RALGPS2: variants seen among roughly 807,000 people sequenced by gnomAD.
The protein encoded by RALGPS2 is ras-specific guanine nucleotide-releasing factor RalGPS2.
RALGPS2 carries 43 observed loss-of-function variants against 86.8 expected under a neutral mutation model. The ratio of observed to expected loss-of-function variants is 0.50; its 90% CI spans 0.39 to 0.64. The LOEUF (loss-of-function observed/expected upper bound fraction) is 0.64. RALGPS2 is among the 30% of genes least tolerant of loss of function. The pLI is 0.00. For synonymous variants in RALGPS2, 243 were observed against 231.3 expected, an observed-to-expected ratio of 1.05 and a Z score of -0.46; for missense variants, 536 against 694.6, an observed-to-expected ratio of 0.77 and a Z score of 2.57.
chr1:178,855,679 A>G (rs567916764), intron 8 of RALGPS2, among the ~76,000 whole-genome samples: 3 of 151,878 alleles, frequency 2.0e-5, no homozygotes, highest in African/African-American at 7.2e-5. Context: ...ATTCGTTATA[A>G]ACATATTTTC....
chr1:178,851,751 C>A (rs1657188904), intron 8 of RALGPS2, among the ~76,000 whole-genome samples: 1 of 152,048 alleles, frequency 6.6e-6, no homozygotes, highest in Non-Finnish European at 1.5e-5. Flanking sequence ...GTAAATAAGA[C>A]ATATGTTATG....
chr1:178,733,074 A>G (rs1261199602), intron 1 of RALGPS2, among the ~76,000 whole-genome samples: 1 of 152,226 alleles, frequency 6.6e-6, no homozygotes, highest in African/African-American at 2.4e-5. Flanking sequence ...TAATTCTGTA[A>G]CGTAGGGATT....
chr1:178,812,078 A>G (rs868677691), intron 6 of RALGPS2, among the ~76,000 whole-genome samples: 1 of 152,226 alleles, frequency 6.6e-6, no homozygotes, highest in Non-Finnish European at 1.5e-5. Context: ...AGACAAGTTA[A>G]TGAGAGAAAA....
intron 8 of RALGPS2, among the ~76,000 whole-genome samples, chr1:178,835,772 C>CT (rs1000655385): frequency 6.6e-6 from 1 of 152,154 alleles, no homozygotes; most frequent in African/African-American, 2.4e-5. Flanking sequence ...GCTCATAGTC[C>CT]TAAGACCTAG....
intron 4 of RALGPS2, among the ~76,000 whole-genome samples, chr1:178,787,978 T>A (rs557022736): frequency 6.6e-6 from 1 of 152,344 alleles, no homozygotes; most frequent in Non-Finnish European, 1.5e-5. Flanking sequence ...GCTCTGAGGA[T>A]AAAGAACCAT....
intron 8 of RALGPS2, among the ~76,000 whole-genome samples, chr1:178,855,509 A>G (rs1010690711): frequency 3.9e-5 from 6 of 152,040 alleles, no homozygotes; most frequent in Non-Finnish European, 5.9e-5. Context: ...TGCAATATCC[A>G]TAAGTAGTAC....
intron 16 of RALGPS2, 35 bp downstream of exon 16, chr1:178,894,059 C>T: frequency 8.0e-7 from 1 of 1,256,480 alleles, no homozygotes; most frequent in Non-Finnish European, 1.1e-6. Flanking sequence ...TAATACACCT[C>T]TAAAAATATG....
chr1:178,785,112 A>G (rs927475343), intron 3 of RALGPS2, among the ~76,000 whole-genome samples: 2 of 152,022 alleles, frequency 1.3e-5, no homozygotes, highest in Non-Finnish European at 2.9e-5. Context: ...GGATAGGTCC[A>G]TAGCATATAA....
intron 8 of RALGPS2, among the ~76,000 whole-genome samples, chr1:178,844,917 T>C (rs112806947): frequency 0.093 from 14,211 of 152,150 alleles, 1,471 homozygotes; most frequent in African/African-American, 0.26. Flanking sequence ...CGGTGGTTCA[T>C]GCCTGTCATC....
In RALGPS2 at chr1:178,906,859, AAAC is replaced by A. The variant is rs1456406093; in HGVS notation, c.1719_1721del (p.Gln574del). ...TTTGAGTGCAGCCTGCCAAAGTAAC[AAAC>A]AACAGGTAAGCATTTCTCCTAATTC... On this transcript the variant is annotated inframe_deletion, in exon 19 of 20. Coordinates refer to ENST00000367635, the MANE Select transcript of RALGPS2 (RefSeq NM_152663.5). 2 of 1,613,112 alleles carry A rather than the reference AAAC, an allele frequency of 1.2e-6. No homozygotes were observed. The highest frequency in any genetic ancestry group is 1.7e-6 in the Non-Finnish European group (2 of 1,179,364).
chr1:178,795,092 A>G (rs1654124913), intron 4 of RALGPS2, among the ~76,000 whole-genome samples: 1 of 151,790 alleles, frequency 6.6e-6, no homozygotes, highest in Admixed American at 6.6e-5. Context: ...ATACACAAGA[A>G]TCGCTTGAAC....
intron 19 of RALGPS2, among the ~76,000 whole-genome samples, chr1:178,910,074 G>GTAC (rs2102417727): frequency 6.6e-6 from 1 of 152,230 alleles, no homozygotes; most frequent in South Asian, 2.1e-4. Context: ...AGTGTTATTG[G>GTAC]TGTATAGAAA....
intron 2 of RALGPS2, among the ~76,000 whole-genome samples, chr1:178,784,140 T>C (rs1257943166): frequency 6.6e-6 from 1 of 152,176 alleles, no homozygotes; most frequent in Non-Finnish European, 1.5e-5. Context: ...TAAAATCATT[T>C]ATTTCTATAG....
chr1:178,785,832 G>T (rs749043625), intron 4 of RALGPS2, among the ~76,000 whole-genome samples: 17 of 151,994 alleles, frequency 1.1e-4, no homozygotes, highest in Non-Finnish European at 2.1e-4. Flanking sequence ...CAAAGCGGAG[G>T]TTAGGAGCAT....
At chr1:178,914,885 G>C (rs1157101855) in intron 19 of RALGPS2, among the ~76,000 whole-genome samples, 1 of 152,142 alleles carries the variant, frequency 6.6e-6, no homozygotes, top group African/African-American at 2.4e-5. Context: ...TCTAGACTAA[G>C]CCTTTCAGGA....
chr1:178,738,115 A>G (rs1044011516), intron 1 of RALGPS2, among the ~76,000 whole-genome samples: 3 of 152,000 alleles, frequency 2.0e-5, no homozygotes, highest in African/African-American at 7.3e-5. Flanking sequence ...GATATGCTCA[A>G]ATGTGCTGGC....
Position 178,883,451 on chromosome 1 carries a change from CTTT to C in RALGPS2, c.837-12_837-10del. ...TAATTAATCATTGTATGTATTTTGT[CTTT>C]TTAAAATTCAGGCTTTCATTAAAGA... On this transcript the variant is annotated splice_polypyrimidine_tract_variant and intron_variant, in intron 10 of 19. Transcript: ENST00000367635. 6.3e-7 allele frequency: 1 copy of C among 1,590,190 alleles called. No individual in the cohort carries two copies. The highest frequency in any genetic ancestry group is 8.6e-7 in the Non-Finnish European group (1 of 1,158,668).
At chr1:178,805,768 A>G (rs112094459) in intron 4 of RALGPS2, among the ~76,000 whole-genome samples, 5,460 of 152,214 alleles carry the variant, frequency 0.036, 120 homozygotes, top group African/African-American at 0.055. Flanking sequence ...TCTTTTGCAC[A>G]TACAGTTATA....
At position 178,897,759 on chromosome 1, in the gene RALGPS2, A is replaced by G; in HGVS notation, c.1524+3A>G. ...TAAAGGCTACCGAAAGAAAACATGTAAGTATTTGTTCTCTACATTTTTAGC... is the reference window on the plus strand; with the variant it reads ...TAAAGGCTACCGAAAGAAAACATGTGAGTATTTGTTCTCTACATTTTTAGC... On this transcript the variant is annotated splice_donor_region_variant and intron_variant, in intron 17 of 19. Transcript: ENST00000367635. 3 of 1,605,256 alleles carry G rather than the reference A, an allele frequency of 1.9e-6. No homozygotes were observed. The highest frequency in any genetic ancestry group is 2.6e-6 in the Non-Finnish European group (3 of 1,172,554).
Sources: gnomAD v4.1 joint callset for allele counts (sites outside exome capture counted in the v4.1 genomes callset) on GRCh38, gnomAD v4.1.1 for gene constraint, MANE v1.5 for transcripts, NCBI Gene and HGNC (gene_info 2026-07-23, HGNC 2026-07-21) for gene names.